The following MYOM3 variants were observed in gnomAD, a reference collection of about 807,000 sequenced individuals.
MYOM3 encodes myomesin-3.
Under a neutral mutation model 191.7 loss-of-function variants are expected in MYOM3, and 155 were observed. The ratio of observed to expected loss-of-function variants is 0.81; its 90% confidence interval spans 0.71 to 0.92. The LOEUF (loss-of-function observed/expected upper bound fraction) is 0.92. Among genes scored for constraint, MYOM3 ranks in the 40% least tolerant of loss-of-function variants. The pLI, the probability that MYOM3 is intolerant of heterozygous loss-of-function variation, is 0.00. For missense variants in MYOM3, 1,889 were observed against 1,890.6 expected (o/e 1.00, Z 0.02); for synonymous variants, 757 against 762.9 (o/e 0.99, Z 0.13).
At chr1:24,108,706 C>T in intron 1 of MYOM3, 52 bp from the exon 2 acceptor site, 1 of 1,373,568 alleles carries the variant, frequency 7.3e-7, no homozygotes, top group Non-Finnish European at 9.8e-7. Flanking sequence ...CCTATCCCCT[C>T]CCATGCAGTC....
intron 21 of MYOM3, 34 bp downstream of exon 21, chr1:24,076,125 G>C: frequency 1.3e-6 from 2 of 1,550,744 alleles, no homozygotes; most frequent in Non-Finnish European, 1.8e-6. Context: ...GCGTAGCCCA[G>C]TGGCAGAGCT....
At chr1:24,082,534 G>A (rs1007502324) in intron 17 of MYOM3, 59 bp downstream of exon 17, 11 of 1,502,562 alleles carry the variant, frequency 7.3e-6, no homozygotes, top group African/African-American at 7.1e-5. Flanking sequence ...TGATCTATGA[G>A]CCCCAGCTCC....
intron 33 of MYOM3, 46 bp downstream of exon 33, chr1:24,061,900 G>C: frequency 6.2e-7 from 1 of 1,610,054 alleles, no homozygotes; most frequent in Non-Finnish European, 8.5e-7. Context: ...ACTGTCCATG[G>C]GATTTTCTAA....
At position 24,067,255 on chromosome 1, in the gene MYOM3, C is replaced by A. The variant is rs143048343; in HGVS notation, c.3356-167G>T. Among the ~76,000 whole-genome samples, 486 of 151,268 alleles carry A rather than the reference C, an allele frequency of 3.2e-3. 11 individuals carry two copies. The highest frequency in any genetic ancestry group is 0.011 in the African/African-American group (446 of 40,976). ...GGTGAGGCAGGGGCGGTGCTCAGAG[C>A]GCAAATTTCTTTCTTTCTTTCTTCC... On this transcript the variant is annotated intron_variant, in intron 27 of 36. Coordinates refer to ENST00000374434, the MANE Select transcript of MYOM3 (RefSeq NM_152372.4).
Position 24,093,119 on chromosome 1 carries a change from G to C in MYOM3, c.929-11C>G, listed in dbSNP as rs755446412. 2 of 1,601,928 alleles carry C rather than the reference G, an allele frequency of 1.2e-6. No homozygotes were observed. The highest frequency in any genetic ancestry group is 1.1e-5 in the South Asian group (1 of 90,556). On this transcript the variant is annotated splice_polypyrimidine_tract_variant and intron_variant, in intron 9 of 36. Transcript: ENST00000374434. ...ACCTCAGTAGGCTCCCTGTGGAGGG[G>C]AAGTGGGGGGCCATTGAGTTTGTGG...
chr1:24,093,171 C>T (rs1241824473), intron 9 of MYOM3, 63 bp from the exon 10 acceptor site: 3 of 1,150,626 alleles, frequency 2.6e-6, no homozygotes, highest in Non-Finnish European at 2.5e-6. Flanking sequence ...CTGGGAACCA[C>T]AGAAACTGGG....
At chr1:24,106,108 G>A (rs1175293184) in intron 4 of MYOM3, 31 bp from the exon 5 acceptor site, 6 of 1,570,810 alleles carry the variant, frequency 3.8e-6, no homozygotes, top group Non-Finnish European at 4.3e-6. Flanking sequence ...ATGACGCTGT[G>A]AGCCAGGGAC....
chr1:24,062,276 C>A (rs2148541336), intron 32 of MYOM3, among the ~76,000 whole-genome samples, 167 bp from the exon 33 acceptor site: 1 of 152,340 alleles, frequency 6.6e-6, no homozygotes, highest in South Asian at 2.1e-4. Flanking sequence ...TTATTCAACC[C>A]TCCATTCCTC....
At position 24,090,934 on chromosome 1, in the gene MYOM3, C is replaced by T. The variant is rs778302944; in HGVS notation, c.1295G>A (p.Cys432Tyr). Reference protein sequence around the residue: ...CHEAPGGTCRCPIQGLVEGQS... With the variant: ...CHEAPGGTCRYPIQGLVEGQS... Reference sequence around the variant, plus strand: ...ACCTTCGACGAGGCCTTGGATTGGGCACCGACAAGTCCCTCCGGGGGCCTC... The same window carrying T: ...ACCTTCGACGAGGCCTTGGATTGGGTACCGACAAGTCCCTCCGGGGGCCTC... The change falls in exon 12 of 37, where the codon TGC becomes TAC. Residue 432 changes from cysteine to tyrosine, a missense_variant. Physicochemically the swap from Cys to Tyr is radical, Grantham distance 194. Coordinates refer to ENST00000374434, the MANE Select transcript of MYOM3 (RefSeq NM_152372.4). The T allele has an allele frequency of 3.7e-6, 6 of 1,614,138 alleles. No homozygotes were observed. The highest frequency in any genetic ancestry group is 1.7e-5 in the Admixed American group (1 of 60,030).
chr1:24,082,916 A>C (rs1043127160), intron 16 of MYOM3: 1 of 507,232 alleles, frequency 2.0e-6, no homozygotes, highest in Non-Finnish European at 3.2e-6. Flanking sequence ...TAAGAGTTTT[A>C]AAGGATGTTT....
At chr1:24,088,266 G>C (rs1346668209) in intron 14 of MYOM3, among the ~76,000 whole-genome samples, 1 of 152,178 alleles carries the variant, frequency 6.6e-6, no homozygotes. Flanking sequence ...CCATCTGGCT[G>C]TCAGTGGCCT....
intron 24 of MYOM3, 133 bp downstream of exon 24, chr1:24,071,836 G>A: frequency 2.2e-6 from 2 of 922,392 alleles, no homozygotes. Flanking sequence ...TGACCTTCTA[G>A]CTCTGTGATT....
rs140452853 is a variant in MYOM3 at position 24,084,452 on chromosome 1, G to A, written c.1970+16C>T. Reference sequence around the variant, plus strand: ...TAGCAGTGTGAGAACAGACTGATACGGGTGGGCAGACGTACCTGGTGCCTT... The same window carrying A: ...TAGCAGTGTGAGAACAGACTGATACAGGTGGGCAGACGTACCTGGTGCCTT... On this transcript the variant is annotated intron_variant, in intron 16 of 36. Coordinates refer to ENST00000374434, the MANE Select transcript of MYOM3 (RefSeq NM_152372.4). The A allele has an allele frequency of 2.1e-4, 333 of 1,613,688 alleles. 1 individual carries two copies. The East Asian group carries it at 6.9e-3, about 33-fold the overall frequency.
intron 36 of MYOM3, 34 bp downstream of exon 36, chr1:24,058,890 G>A (rs1643333964): frequency 1.3e-6 from 2 of 1,529,534 alleles, no homozygotes; most frequent in Non-Finnish European, 1.8e-6. Context: ...ACACAGAGGG[G>A]GACTGCTGGC....
chr1:24,086,802 T>C lies in MYOM3; in HGVS notation c.1640A>G (p.Glu547Gly), dbSNP rs1643754379. ...CACAGGGCTTTCCGAGCTGATGGCC[T>C]CCCAGGTGCCACTACCTATGACTGA... ...EKSVIGSGTW[E>G]AISSESPVRS... The change falls in exon 15 of 37, where the codon GAG (glutamate) becomes GGG (glycine). Residue 547 changes from glutamate to glycine, a missense_variant. Glu to Gly is a moderately conservative substitution (Grantham distance 98, BLOSUM62 -2). Coordinates refer to ENST00000374434, the MANE Select transcript of MYOM3 (RefSeq NM_152372.4). 1.9e-6 allele frequency: 3 copies of C among 1,614,124 alleles called. No homozygotes were observed. Among genetic ancestry groups the C allele is most frequent in the Non-Finnish European group, 2.5e-6 (3 of 1,179,978 alleles).
Position 24,098,020 on chromosome 1 carries a change from G to A in MYOM3, c.657-9C>T. The A allele has an allele frequency of 6.3e-7, 1 of 1,588,376 alleles. No homozygotes were observed. The highest frequency in any genetic ancestry group is 8.6e-7 in the Non-Finnish European group (1 of 1,156,480). On this transcript the variant is annotated splice_polypyrimidine_tract_variant and intron_variant, in intron 6 of 36. Transcript: ENST00000374434. ...AGTCCTCAATGGCGCATCTGAAAAG[G>A]AGAGAGGGAGAAGTTCCTCCCAAGA... is the stretch of plus-strand genomic sequence containing the variant.
intron 18 of MYOM3, 45 bp from the exon 19 acceptor site, chr1:24,081,501 G>T: frequency 6.2e-7 from 1 of 1,602,410 alleles, no homozygotes; most frequent in Non-Finnish European, 8.5e-7. Flanking sequence ...GCTGGAGGAG[G>T]GATGGGGAAC....
intron 20 of MYOM3, among the ~76,000 whole-genome samples, chr1:24,079,049 T>C (rs6677427): frequency 0.41 from 61,597 of 152,090 alleles, 12,782 homozygotes; most frequent in Non-Finnish European, 0.43. Flanking sequence ...GGAACATGTA[T>C]CTGCATACAT....
chr1:24,057,185 A>T lies in MYOM3; in HGVS notation c.*179T>A. On this transcript the variant is annotated 3_prime_UTR_variant, in exon 37 of 37. Coordinates refer to ENST00000374434, the MANE Select transcript of MYOM3 (RefSeq NM_152372.4). ...CTGGAAGCCACTCAGGACCCCAGAA[A>T]GATCTTTGCTTCTCCACTTTGGTGC... 1.5e-6 allele frequency: 1 copy of T among 650,520 alleles called. No homozygotes were observed. Among genetic ancestry groups the T allele is most frequent in the African/African-American group, 1.8e-5 (1 of 55,006 alleles). The allele number at this position is 650,520 out of a possible 1,614,324, so 40.3% of individuals were successfully genotyped here.
Sources: allele counts gnomAD v4.1 joint callset (sites outside exome capture counted in the v4.1 genomes callset), GRCh38; gene constraint gnomAD v4.1.1; transcripts MANE v1.5; gene names NCBI Gene and HGNC (gene_info 2026-07-23, HGNC 2026-07-21).